Variants in LRCH1 observed in about 807,000 individuals in gnomAD.
LRCH1 encodes the protein leucine rich repeats and calponin homology domain containing 1, also known as leucine-rich repeat and calponin homology domain-containing protein 1.
LRCH1 carries 23 observed loss-of-function variants against 94.9 expected under a neutral mutation model. The ratio of observed to expected loss-of-function variants is 0.24; its 90% CI spans 0.17 to 0.34. The LOEUF (loss-of-function observed/expected upper bound fraction) is 0.34, where lower values mean the gene tolerates loss of function less well. LRCH1 is among the 10% of genes least tolerant of loss of function. The pLI is 1.00. For missense variants in LRCH1, 790 were observed against 945.9 expected (o/e 0.84, Z 2.16); for synonymous variants, 364 against 354.9 (o/e 1.03, Z -0.29).
chr13:46,695,262 C>T (rs531700628), intron 9 of LRCH1, among the ~76,000 whole-genome samples: 9 of 152,302 alleles, frequency 5.9e-5, no homozygotes, highest in African/African-American at 1.7e-4. Flanking sequence ...CTCAGTGCAT[C>T]GTACAAATTA....
At chr13:46,637,702 G>A (rs540283275) in intron 1 of LRCH1, among the ~76,000 whole-genome samples, 1 of 135,528 alleles carries the variant, frequency 7.4e-6, no homozygotes, top group African/African-American at 2.7e-5. Flanking sequence ...CGCTTCTCCC[G>A]CACTTCGTAG....
chr13:46,558,626 G>A (rs1215631962), intron 1 of LRCH1, among the ~76,000 whole-genome samples: 1 of 137,978 alleles, frequency 7.2e-6, no homozygotes, highest in Non-Finnish European at 1.6e-5. Flanking sequence ...CCAGTTACTC[G>A]GGAGGCTGAG....
At chr13:46,611,350 A>G (rs1354799291) in intron 1 of LRCH1, among the ~76,000 whole-genome samples, 4 of 152,164 alleles carry the variant, frequency 2.6e-5, no homozygotes, top group African/African-American at 9.6e-5. Context: ...TGGTTGGGGT[A>G]TGGACCACTT....
chr13:46,573,866 A>ATATATATATATATATATTTTT, intron 1 of LRCH1, among the ~76,000 whole-genome samples: 75 of 63,360 alleles, frequency 1.2e-3, no homozygotes, highest in African/African-American at 3.1e-3. Context: ...ATATATATAT[A>ATATATATATATATATATTTTT]TTTTTTTTTT....
In LRCH1 at chr13:46,682,458, A is replaced by G. The variant is rs143150039; in HGVS notation, c.685+612A>G. ...ATAGAGGTTAGGACTTCAATATATGAATTTTGGAAGGACTCAAGCCAGCCC... is the reference window on the plus strand; with the variant it reads ...ATAGAGGTTAGGACTTCAATATATGGATTTTGGAAGGACTCAAGCCAGCCC... On this transcript the variant is annotated intron_variant, in intron 4 of 19. Transcript: ENST00000389797. Among the ~76,000 whole-genome samples the G allele has an allele frequency of 2.7e-4, 41 of 152,264 alleles. 1 individual carries two copies. Among genetic ancestry groups the G allele is most frequent in the African/African-American group, 9.4e-4 (39 of 41,546 alleles).
At chr13:46,639,798 T>C (rs969010050) in intron 1 of LRCH1, among the ~76,000 whole-genome samples, 2 of 152,228 alleles carry the variant, frequency 1.3e-5, no homozygotes, top group Non-Finnish European at 2.9e-5. Context: ...TTCTGCACCC[T>C]TGGGGACCAG....
At chr13:46,738,802 G>A in intron 19 of LRCH1, among the ~76,000 whole-genome samples, 1 of 152,280 alleles carries the variant, frequency 6.6e-6, no homozygotes, top group South Asian at 2.1e-4. Flanking sequence ...ATTGAAAACA[G>A]CCAATCTATC....
At chr13:46,560,934 G>T (rs1315575260) in intron 1 of LRCH1, among the ~76,000 whole-genome samples, 2 of 152,196 alleles carry the variant, frequency 1.3e-5, no homozygotes, top group East Asian at 3.9e-4. Flanking sequence ...AAGTGAGATT[G>T]TTTACATGAA....
downstream of LRCH1, among the ~76,000 whole-genome samples, chr13:46,747,683 T>G (rs74840432): frequency 0.03 from 4,535 of 152,342 alleles, 87 homozygotes; most frequent in Non-Finnish European, 0.045. Context: ...TTCTGTTGAT[T>G]TGTTAGTGTT....
intron 1 of LRCH1, among the ~76,000 whole-genome samples, chr13:46,560,534 T>C (rs2050118955): frequency 6.6e-6 from 1 of 152,176 alleles, no homozygotes; most frequent in African/African-American, 2.4e-5. Flanking sequence ...AGTTATAAGA[T>C]TGTAATCTAT....
intron 1 of LRCH1, among the ~76,000 whole-genome samples, chr13:46,611,101 G>A (rs574998591): frequency 5.3e-5 from 8 of 152,242 alleles, no homozygotes; most frequent in African/African-American, 1.9e-4. Context: ...CATGCTTTAG[G>A]AAGCTTTAGG....
intron 2 of LRCH1, among the ~76,000 whole-genome samples, chr13:46,657,490 CTTTTCTTTTCTT>C (rs2051386251): frequency 5.2e-5 from 1 of 19,254 alleles, no homozygotes; most frequent in African/African-American, 1.8e-4. Flanking sequence ...TTTACTTTTT[CTTTTCTTTTCTT>C]TTTTTTTTTT....
At chr13:46,564,212 G>A (rs952197988) in intron 1 of LRCH1, among the ~76,000 whole-genome samples, 12 of 152,126 alleles carry the variant, frequency 7.9e-5, no homozygotes, top group African/African-American at 2.9e-4. Context: ...CTCACAAACG[G>A]GGCCATCAGC....
At chr13:46,556,589 A>G (rs1295520113) in intron 1 of LRCH1, among the ~76,000 whole-genome samples, 1 of 152,196 alleles carries the variant, frequency 6.6e-6, no homozygotes, top group Non-Finnish European at 1.5e-5. Context: ...CGTTATCTGC[A>G]TGATCTTAGT....
rs1319984326 is a variant in LRCH1, at chr13:46,679,231, G to C, written c.580-2510G>C. ...GTATCTGGTCATGAGTTCCATAGAA[G>C]GATTTGATTTCCTGCATTTCTAGGA... On this transcript the variant is annotated intron_variant, in intron 3 of 19. Coordinates refer to ENST00000389797, the MANE Select transcript of LRCH1 (RefSeq NM_001164211.2). 2.0e-5 allele frequency among the ~76,000 whole-genome samples: 3 copies of C among 152,190 alleles called. No homozygotes were observed. The South Asian group carries it at 6.2e-4, about 32-fold the overall frequency.
rs773580132 is a variant in LRCH1, at chr13:46,741,883, G to A, written c.*35G>A. 18 of 1,611,748 alleles carry A rather than the reference G, an allele frequency of 1.1e-5. No individual in the cohort carries two copies. The highest frequency in any genetic ancestry group is 3.3e-5 in the Admixed American group (2 of 60,010). Reference sequence around the variant, plus strand: ...GTGCATCCAAACGCTGTGCTCTGTCGCCCTCAACCTTTGCAGGGTCCTTCC... The same window carrying A: ...GTGCATCCAAACGCTGTGCTCTGTCACCCTCAACCTTTGCAGGGTCCTTCC... On this transcript the variant is annotated 3_prime_UTR_variant, in exon 20 of 20. Transcript: ENST00000389797.
At chr13:46,704,709 A>G (rs987707307) in intron 11 of LRCH1, among the ~76,000 whole-genome samples, 1 of 152,120 alleles carries the variant, frequency 6.6e-6, no homozygotes, top group African/African-American at 2.4e-5. Flanking sequence ...CCATTGGTAC[A>G]TATACTATAA....
At chr13:46,646,030 C>CTGTA (rs1434064348) in intron 1 of LRCH1, among the ~76,000 whole-genome samples, 1 of 152,166 alleles carries the variant, frequency 6.6e-6, no homozygotes, top group African/African-American at 2.4e-5. Context: ...ACTTCCAGCA[C>CTGTA]TGTAGCACAT....
At chr13:46,579,254 C>T (rs552367815) in intron 1 of LRCH1, among the ~76,000 whole-genome samples, 4 of 152,094 alleles carry the variant, frequency 2.6e-5, no homozygotes, top group Admixed American at 1.3e-4. Context: ...CTGCCTGATG[C>T]GGACCCACAG....
Sources: allele counts gnomAD v4.1 joint callset (sites outside exome capture counted in the v4.1 genomes callset), GRCh38; gene constraint gnomAD v4.1.1; transcripts MANE v1.5; gene names NCBI Gene and HGNC (gene_info 2026-07-23, HGNC 2026-07-21).